IDNK: variants seen among roughly 807,000 people sequenced by gnomAD.
The protein encoded by IDNK is IDNK gluconokinase, also known as gluconokinase.
Under a neutral mutation model 13.0 loss-of-function variants are expected in IDNK, and 9 were observed. The ratio of observed to expected loss-of-function variants is 0.69; its 90% CI spans 0.42 to 1.21. IDNK has a LOEUF of 1.21. IDNK is among the 50% of genes most tolerant of loss of function. The pLI is 0.00. For synonymous variants in IDNK, 92 were observed against 94.9 expected (o/e 0.97, Z 0.18); for missense variants, 210 against 237.8 (o/e 0.88, Z 0.77).
intron 3 of IDNK, among the ~76,000 whole-genome samples, chr9:83,639,505 A>C (rs1046751170): frequency 1.3e-5 from 2 of 152,216 alleles, no homozygotes; most frequent in African/African-American, 4.8e-5. Flanking sequence ...CTATGAACAA[A>C]AGCTAGTTGT....
chr9:83,629,207 G>A (rs1830945695), intron 3 of IDNK, among the ~76,000 whole-genome samples: 1 of 152,166 alleles, frequency 6.6e-6, no homozygotes, highest in Admixed American at 6.5e-5. Flanking sequence ...ACCTTGTTGT[G>A]GGATTTTAAC....
At chr9:83,626,542 G>A (rs746383222) in intron 1 of IDNK, 4 of 440,520 alleles carry the variant, frequency 9.1e-6, no homozygotes, top group South Asian at 6.6e-5. Flanking sequence ...TCAGCCTCCG[G>A]AGTAACTGGG....
Position 83,644,023 on chromosome 9 carries a change from T to C in IDNK, c.*243T>C, listed in dbSNP as rs780448962. On this transcript the variant is annotated 3_prime_UTR_variant, in exon 5 of 5. Coordinates refer to ENST00000376419, the MANE Select transcript of IDNK (RefSeq NM_001001551.4). ...TAAATTCATCTATAACCAAATCAAATGATCAGAGGAAATTCTGTAATCAAT... is the reference window on the plus strand; with the variant it reads ...TAAATTCATCTATAACCAAATCAAACGATCAGAGGAAATTCTGTAATCAAT... 59 of 418,560 alleles carry C rather than the reference T, an allele frequency of 1.4e-4. No individual in the cohort carries two copies. The highest frequency in any genetic ancestry group is 2.1e-4 in the Non-Finnish European group (48 of 231,242). The allele number at this position is 418,560 out of a possible 1,614,324, so 25.9% of individuals were successfully genotyped here. A position where few individuals can be genotyped will look rare whatever the true frequency, so the allele number is the denominator to read the frequency against.
At chr9:83,628,850 A>C (rs1172209014) in intron 2 of IDNK, 23 bp from the exon 3 acceptor site, 2 of 1,570,596 alleles carry the variant, frequency 1.3e-6, no homozygotes, top group Admixed American at 3.3e-5. Flanking sequence ...TGCCACATAC[A>C]CCCTTTCACT....
chr9:83,633,862 CAAGAAGTGAA>C (rs1831093865), intron 3 of IDNK, among the ~76,000 whole-genome samples: 2 of 152,118 alleles, frequency 1.3e-5, no homozygotes, highest in Admixed American at 1.3e-4. Flanking sequence ...AAATGATTCA[CAAGAAGTGAA>C]TCAAGGTTTG....
chr9:83,625,258 A>G (rs1372376484), intron 1 of IDNK, among the ~76,000 whole-genome samples: 2 of 152,200 alleles, frequency 1.3e-5, no homozygotes, highest in Admixed American at 1.3e-4. Flanking sequence ...AGTCGCCACA[A>G]ACTGATTTGG....
intron 3 of IDNK, among the ~76,000 whole-genome samples, chr9:83,640,497 G>T (rs992527281): frequency 1.3e-5 from 2 of 152,200 alleles, no homozygotes; most frequent in African/African-American, 4.8e-5. Context: ...TATTTGGGAT[G>T]TGGGATGTGG....
intron 1 of IDNK, among the ~76,000 whole-genome samples, chr9:83,625,351 A>G (rs1830821049): frequency 6.6e-6 from 1 of 152,244 alleles, no homozygotes; most frequent in Non-Finnish European, 1.5e-5. Flanking sequence ...CCAATTAGTC[A>G]TCCAGTGGAT....
At chr9:83,638,062 TGCCC>T in intron 3 of IDNK, among the ~76,000 whole-genome samples, 1 of 152,036 alleles carries the variant, frequency 6.6e-6, no homozygotes, top group East Asian at 1.9e-4. Context: ...TTGGTGAAAC[TGCCC>T]GTGAAAGTGT....
At chr9:83,631,188 C>T (rs766263730) in intron 3 of IDNK, among the ~76,000 whole-genome samples, 12 of 151,764 alleles carry the variant, frequency 7.9e-5, no homozygotes, top group East Asian at 1.9e-4. Context: ...TGGATTAAAG[C>T]GTGTCCGTGT....
chr9:83,628,310 A>C, intron 2 of IDNK, 99 bp downstream of exon 2: 1 of 1,079,678 alleles, frequency 9.3e-7, no homozygotes, highest in Non-Finnish European at 1.4e-6. Flanking sequence ...ACACTTCCAC[A>C]TGGCTTTGAA....
chr9:83,643,946 G>C lies in IDNK; in HGVS notation c.*166G>C. ...AGGTGTAATTTTAGGAATTATGCTG[G>C]TTCATCAGGAAGCAGAGGGGGAGTT... On this transcript the variant is annotated 3_prime_UTR_variant, in exon 5 of 5. Coordinates refer to ENST00000376419, the MANE Select transcript of IDNK (RefSeq NM_001001551.4). 3.6e-6 allele frequency: 2 copies of C among 561,234 alleles called. No homozygotes were observed. The highest frequency in any genetic ancestry group is 6.3e-6 in the Non-Finnish European group (2 of 319,034). The allele number at this position is 561,234 out of a possible 1,614,324, so 34.8% of individuals were successfully genotyped here. A position where few individuals can be genotyped will look rare whatever the true frequency, so the allele number is the denominator to read the frequency against.
At position 83,643,891 on chromosome 9, in the gene IDNK, A is replaced by C; in HGVS notation, c.*111A>C. On this transcript the variant is annotated 3_prime_UTR_variant, in exon 5 of 5. Coordinates refer to ENST00000376419, the MANE Select transcript of IDNK (RefSeq NM_001001551.4). The stretch of plus-strand genomic sequence containing the variant: ...CTAGATTCTAAATGTTTCTAAAGGC[A>C]AACCCCAATGTGTCAAGACAGACTT... 1.4e-6 allele frequency: 1 copy of C among 734,288 alleles called. No individual in the cohort carries two copies. The highest frequency in any genetic ancestry group is 2.2e-6 in the Non-Finnish European group (1 of 456,302). The allele number at this position is 734,288 out of a possible 1,614,324, so 45.5% of individuals were successfully genotyped here.
intron 3 of IDNK, among the ~76,000 whole-genome samples, chr9:83,636,046 T>A (rs558053979): frequency 4.6e-5 from 7 of 152,348 alleles, no homozygotes; most frequent in South Asian, 2.1e-4. Context: ...AGGGTTTTTT[T>A]ATAAAAAGCT....
rs749394209 is a variant in IDNK at position 83,643,788 on chromosome 9, T to TG, written c.*8_*9insG. The TG allele has an allele frequency of 8.3e-5, 130 of 1,575,700 alleles. No individual in the cohort carries two copies. The highest frequency in any genetic ancestry group is 1.1e-4 in the Non-Finnish European group (124 of 1,149,470). ...ACCCTAAAAATGAAATGACAATGAT[T>TG]TTGTATCAGTGGTCCAAACAGAACT... is the stretch of plus-strand genomic sequence containing the variant. On this transcript the variant is annotated 3_prime_UTR_variant, in exon 5 of 5. Transcript: ENST00000376419.
intron 3 of IDNK, among the ~76,000 whole-genome samples, chr9:83,630,089 G>A (rs773316222): frequency 9.9e-5 from 15 of 152,210 alleles, no homozygotes; most frequent in Non-Finnish European, 2.1e-4. Flanking sequence ...TTTCAGTGGG[G>A]CTGGGCTCAC....
At position 83,623,167 on chromosome 9, in the gene IDNK, G is replaced by C. The variant is rs966013338; in HGVS notation, c.-5G>C. 2 of 1,419,508 alleles carry C rather than the reference G, an allele frequency of 1.4e-6. No individual in the cohort carries two copies. Among genetic ancestry groups the C allele is most frequent in the South Asian group, 1.6e-5 (1 of 63,802 alleles). 87.9% of individuals were successfully genotyped at this position (1,419,508 alleles called of 1,614,324 possible). ...AAGGCGACGGGAAGGAGCCGAGCTTGGGTTATGGCGGCGCCGGGCGCGCTG... is the reference window on the plus strand; with the variant it reads ...AAGGCGACGGGAAGGAGCCGAGCTTCGGTTATGGCGGCGCCGGGCGCGCTG... On this transcript the variant is annotated 5_prime_UTR_variant, in exon 1 of 5. Transcript: ENST00000376419.
At chr9:83,633,648 CAA>C (rs1195868032) in intron 3 of IDNK, among the ~76,000 whole-genome samples, 1 of 152,056 alleles carries the variant, frequency 6.6e-6, no homozygotes, top group East Asian at 1.9e-4. Context: ...TTAAATCAAC[CAA>C]AAAATAGTTT....
At position 83,628,174 on chromosome 9, in the gene IDNK, T is replaced by G. The variant is rs2131619918; in HGVS notation, c.51-7T>G. 3 of 1,550,540 alleles carry G rather than the reference T, an allele frequency of 1.9e-6. No individual in the cohort carries two copies. In the East Asian group the frequency reaches 7.3e-5, roughly 38 times the overall value. On this transcript the variant is annotated splice_region_variant and splice_polypyrimidine_tract_variant and intron_variant, in intron 1 of 4. Transcript: ENST00000376419. ...CAGTAACGGGAACATCTGTGTCCTC[T>G]CCACAGATCCACCGTGGGCGCCCTG...
Sources: gnomAD v4.1 joint callset for allele counts (sites outside exome capture counted in the v4.1 genomes callset) on GRCh38, gnomAD v4.1.1 for gene constraint, MANE v1.5 for transcripts, NCBI Gene and HGNC (gene_info 2026-07-23, HGNC 2026-07-21) for gene names.